The following MYO1H variants were observed in gnomAD, a reference collection of about 807,000 sequenced individuals.
MYO1H encodes the protein myosin IH.
Under a neutral mutation model 149.3 loss-of-function variants are expected in MYO1H, and 118 were observed. The observed-to-expected ratio is 0.79, with a 90% confidence interval of 0.68 to 0.92. The LOEUF (loss-of-function observed/expected upper bound fraction) is 0.92, where lower values mean the gene tolerates loss of function less well. Ranked by LOEUF, MYO1H falls within the 40% of genes least tolerant of loss-of-function variation. The pLI, the probability that MYO1H is intolerant of heterozygous loss-of-function variation, is 0.00. For synonymous variants in MYO1H, 447 were observed against 465.2 expected (o/e 0.96, Z 0.50); for missense variants, 1,212 against 1,280.7 (o/e 0.95, Z 0.82).
chr12:109,387,503 C>A (rs182603018), intron 1 of MYO1H, among the ~76,000 whole-genome samples: 1 of 152,238 alleles, frequency 6.6e-6, no homozygotes, highest in Non-Finnish European at 1.5e-5. Flanking sequence ...ACCAACTGCA[C>A]GCTTTAGGCA....
the MYO1H span, among the ~76,000 whole-genome samples, chr12:109,319,019 C>A: frequency 1.3e-5 from 1 of 78,044 alleles, no homozygotes; most frequent in Admixed American, 1.9e-4. Flanking sequence ...ATTCTAAAAT[C>A]ATTCAAAACC....
At chr12:109,335,449 C>A in the MYO1H span, among the ~76,000 whole-genome samples, 1 of 152,150 alleles carries the variant, frequency 6.6e-6, no homozygotes, top group African/African-American at 2.4e-5. Context: ...GCCCCACCCC[C>A]AGCATTGGGG....
intron 1 of MYO1H, among the ~76,000 whole-genome samples, chr12:109,366,533 C>T (rs969362901): frequency 2.0e-5 from 3 of 152,176 alleles, no homozygotes; most frequent in Non-Finnish European, 4.4e-5. Context: ...TTTAAGAGGA[C>T]AAGAAACCGT....
the MYO1H span, among the ~76,000 whole-genome samples, chr12:109,312,381 TTTTTGTTTTGTTTTG>T: frequency 1.7e-4 from 25 of 150,976 alleles, no homozygotes; most frequent in African/African-American, 4.4e-4. Context: ...CCCAGCTAAT[TTTTTGTTTTGTTTTG>T]TTTTGTTTTG....
At chr12:109,445,610 G>A in exon 31 of MYO1H, 1 of 1,609,618 alleles carries the variant, frequency 6.2e-7, no homozygotes, top group Non-Finnish European at 8.5e-7. Context: ...ACAATTAACA[G>A]TGGTGAGTGG....
chr12:109,391,195 A>G (rs1241077652), intron 2 of MYO1H, among the ~76,000 whole-genome samples: 1 of 152,170 alleles, frequency 6.6e-6, no homozygotes, highest in Non-Finnish European at 1.5e-5. Context: ...TATTAAGACC[A>G]GCATGCATTA....
intron 1 of MYO1H, among the ~76,000 whole-genome samples, chr12:109,387,019 TGTGTGTGTGTGTGTGTG>T (rs1007842051): frequency 2.0e-5 from 3 of 148,182 alleles, no homozygotes; most frequent in African/African-American, 7.9e-5. Flanking sequence ...TGTGTGTGTG[TGTGTGTGTGTGTGTGTG>T]TGTGTAGTGT....
chr12:109,445,609 A>T (rs1289733645), exon 31 of MYO1H: 1 of 1,609,796 alleles, frequency 6.2e-7, no homozygotes, highest in South Asian at 1.1e-5. Context: ...GACAATTAAC[A>T]GTGGTGAGTG....
At chr12:109,411,864 T>A in intron 13 of MYO1H, 30 bp from the exon 14 acceptor site, 1 of 1,520,592 alleles carries the variant, frequency 6.6e-7, no homozygotes, top group Non-Finnish European at 9.0e-7. Flanking sequence ...TGTGGTGCTG[T>A]GGATTGAGGC....
intron 10 of MYO1H, among the ~76,000 whole-genome samples, 170 bp from the exon 11 acceptor site, chr12:109,409,387 G>A (rs1870565628): frequency 6.6e-6 from 1 of 151,596 alleles, no homozygotes; most frequent in Non-Finnish European, 1.5e-5. Flanking sequence ...ATCTGAGCAG[G>A]CAGGAGCAGC....
At position 109,438,529 on chromosome 12, in the gene MYO1H, C is replaced by G. The variant is rs776228054; in HGVS notation, c.2210-7C>G. On this transcript the variant is annotated splice_polypyrimidine_tract_variant and splice_region_variant and intron_variant, in intron 22 of 31. Coordinates refer to ENST00000310903, the Ensembl canonical transcript of MYO1H. ...CACCTTCTAATGCCAGCAGTGAACT[C>G]TTTCAGCCATCAAACTGGAAGCCCA... 1.9e-6 allele frequency: 3 copies of G among 1,611,270 alleles called. No individual in the cohort carries two copies. The highest frequency in any genetic ancestry group is 2.5e-6 in the Non-Finnish European group (3 of 1,178,304).
At chr12:109,401,250 A>T (rs1870147618) in exon 6 of MYO1H, 1 of 1,612,758 alleles carries the variant, frequency 6.2e-7, no homozygotes, top group Non-Finnish European at 8.5e-7. Context: ...CGAGACCCCC[A>T]GCTGTATAAA....
chr12:109,421,059 G>T, intron 16 of MYO1H, 32 bp downstream of exon 16: 1 of 1,424,210 alleles, frequency 7.0e-7, no homozygotes, highest in South Asian at 1.2e-5. Flanking sequence ...ATGTGTTTCT[G>T]ATTATTTTGA....
intron 19 of MYO1H, among the ~76,000 whole-genome samples, chr12:109,432,319 A>T (rs1211576329): frequency 6.6e-6 from 1 of 151,342 alleles, no homozygotes; most frequent in Non-Finnish European, 1.5e-5. Context: ...TTAAGTAGAG[A>T]CGGGGTCTGC....
chr12:109,432,447 G>A (rs1053404917), intron 19 of MYO1H, among the ~76,000 whole-genome samples: 1 of 152,156 alleles, frequency 6.6e-6, no homozygotes, highest in African/African-American at 2.4e-5. Flanking sequence ...TTTTCTTCTG[G>A]TACTAGACTA....
chr12:109,427,543 G>C, exon 19 of MYO1H: 1 of 1,612,946 alleles, frequency 6.2e-7, no homozygotes. Flanking sequence ...GGTGAGACGG[G>C]CTGGTTTTGC....
At chr12:109,438,437 G>A (rs1311156226) in intron 22 of MYO1H, 99 bp from the exon 23 acceptor site, 29 of 872,732 alleles carry the variant, frequency 3.3e-5, no homozygotes, top group South Asian at 8.6e-5. Context: ...TGCGGTGGGC[G>A]TCCAGATGTT....
At chr12:109,378,049 C>T (rs1282909027) in intron 1 of MYO1H, among the ~76,000 whole-genome samples, 1 of 152,138 alleles carries the variant, frequency 6.6e-6, no homozygotes. Context: ...AACTCTTTTT[C>T]ATCTCTTTTT....
At chr12:109,435,721 C>T (rs751877992) in intron 21 of MYO1H, among the ~76,000 whole-genome samples, 5 of 152,194 alleles carry the variant, frequency 3.3e-5, no homozygotes, top group African/African-American at 1.2e-4. Context: ...CTATCGTCTC[C>T]GCTTTCTATG....
Sources: gnomAD v4.1 joint callset for allele counts (sites outside exome capture counted in the v4.1 genomes callset) on GRCh38, gnomAD v4.1.1 for gene constraint, MANE v1.5 for transcripts, NCBI Gene and HGNC (gene_info 2026-07-23, HGNC 2026-07-21) for gene names.